The following FN1 variants were observed in gnomAD, a reference collection of about 807,000 sequenced individuals.
FN1 encodes fibronectin 1, also known as fibronectin.
In FN1, 106 loss-of-function variants were observed where a neutral mutation model predicts 297.3. The observed-to-expected ratio is 0.36, with a 90% CI of 0.30 to 0.42. The LOEUF is 0.42. Among genes scored for constraint, FN1 ranks in the 10% least tolerant of loss-of-function variants. FN1 has a pLI of 1.00. For missense variants in FN1, 2,690 were observed against 3,124.9 expected (o/e 0.86, Z 3.32); for synonymous variants, 1,149 against 1,152.6 (o/e 1.00, Z 0.06).
intron 13 of FN1, among the ~76,000 whole-genome samples, chr2:215,413,656 A>G (rs1013913951): frequency 6.6e-6 from 1 of 152,146 alleles, no homozygotes; most frequent in Non-Finnish European, 1.5e-5. Flanking sequence ...CACCTCTATC[A>G]GGGGTCTGAT....
In FN1 at chr2:215,364,961, CCAT is replaced by C. The variant is rs1278884339; in HGVS notation, c.7166_7168del (p.Asp2389del). 6 of 1,580,122 alleles carry C rather than the reference CCAT, an allele frequency of 3.8e-6. No individual in the cohort carries two copies. The highest frequency in any genetic ancestry group is 1.3e-5 in the African/African-American group (1 of 74,586). On this transcript the variant is annotated inframe_deletion, in exon 44 of 46. Coordinates refer to ENST00000354785, the MANE Select transcript of FN1 (RefSeq NM_212482.4). ...CTGTTCTCCTACGTGGTATGTCTTC[CCAT>C]CATCATAACACGTTGCCTCATCTGC...
At chr2:215,416,673 G>T (rs2063475691) in intron 12 of FN1, among the ~76,000 whole-genome samples, 1 of 152,092 alleles carries the variant, frequency 6.6e-6, no homozygotes, top group Admixed American at 6.6e-5. Context: ...ATTTTGAGGG[G>T]GGACAAGCTT....
Position 215,419,419 on chromosome 2 carries a change from T to C in FN1, c.1676-34A>G, listed in dbSNP as rs2063891972. On this transcript the variant is annotated intron_variant, in intron 11 of 45. Transcript: ENST00000354785. ...CATGGAAGGAAAAGATAAACAGCCTTGAAGACTTATAACTACGAATTTAAT... is the reference window on the plus strand; with the variant it reads ...CATGGAAGGAAAAGATAAACAGCCTCGAAGACTTATAACTACGAATTTAAT... 7 of 1,583,944 alleles carry C rather than the reference T, an allele frequency of 4.4e-6. No homozygotes were observed. The East Asian group carries it at 1.3e-4, about 30-fold the overall frequency.
In FN1 at chr2:215,361,633, A is replaced by C; in HGVS notation, c.7363-7T>G. 2 of 1,608,578 alleles carry C rather than the reference A, an allele frequency of 1.2e-6. No individual in the cohort carries two copies. The highest frequency in any genetic ancestry group is 1.7e-6 in the Non-Finnish European group (2 of 1,174,894). On this transcript the variant is annotated splice_polypyrimidine_tract_variant and splice_region_variant and intron_variant, in intron 45 of 45. Transcript: ENST00000354785. Reference sequence around the variant, plus strand: ...CAATTGGGCAATTAACATTCTGTTAAAAAGGAAGAAGGAAAAAAAAATTAG... The same window carrying C: ...CAATTGGGCAATTAACATTCTGTTACAAAGGAAGAAGGAAAAAAAAATTAG...
chr2:215,383,268 AAAGT>A, intron 31 of FN1, 56 bp downstream of exon 31: 1 of 1,568,496 alleles, frequency 6.4e-7, no homozygotes, highest in South Asian at 1.1e-5. Context: ...TCAGCCTCCC[AAAGT>A]TCTGGGATTA....
rs775421803 is a variant in FN1 at position 215,376,650 on chromosome 2, C to T, written c.5735G>A (p.Arg1912His). Residue 1912 changes from arginine to histidine, a missense_variant, in exon 36 of 46, where the codon CGT (arginine) becomes CAT (histidine). This residue lies in a region of FN1 where 1,743 missense variants were observed against 1,945.2 expected (regional missense o/e 0.90). Coordinates refer to ENST00000354785, the MANE Select transcript of FN1 (RefSeq NM_212482.4). ...GGTGGTCTCAGTAGCATCTGTCACA[C>T]GAGCCCTTCTTGGTGGGCTGACATC... ...LENVSPPRRA[R>H]VTDATETTIT... The T allele has an allele frequency of 4.7e-5, 76 of 1,613,850 alleles. No homozygotes were observed. Among genetic ancestry groups the T allele is most frequent in the East Asian group, 2.0e-4 (9 of 44,878 alleles).
In FN1 at chr2:215,393,078, C is replaced by A; in HGVS notation, c.3922G>T (p.Gly1308Cys). ...YRITVVAAGE[G>C]IPIFEDFVDS... ...ACAAAATCTTCAAAAATAGGGATAC[C>A]TTCTCCTGCCGCAACTACTGTGATG... The change falls in exon 25 of 46, where the codon GGT becomes TGT. Residue 1308 changes from glycine (G) to cysteine (C), a missense_variant. Physicochemically the swap from Gly to Cys is radical, Grantham distance 159 (BLOSUM62 -3). Transcript: ENST00000354785. 6.2e-7 allele frequency: 1 copy of A among 1,613,972 alleles called. No homozygotes were observed. The highest frequency in any genetic ancestry group is 8.5e-7 in the Non-Finnish European group (1 of 1,180,008).
At chr2:215,399,462 T>A in intron 20 of FN1, 111 bp from the exon 21 acceptor site, 2 of 751,762 alleles carry the variant, frequency 2.7e-6, no homozygotes, top group South Asian at 2.9e-5. Context: ...AAGCAGTGGA[T>A]AGAGGATGTA....
intron 22 of FN1, 46 bp downstream of exon 22, chr2:215,397,634 A>G: frequency 6.4e-7 from 1 of 1,558,192 alleles, no homozygotes; most frequent in Non-Finnish European, 8.9e-7. Context: ...TTCGAAAAGT[A>G]GAACAGTTTT....
intron 25 of FN1, 108 bp downstream of exon 25, chr2:215,392,823 T>C: frequency 7.9e-7 from 1 of 1,258,580 alleles, no homozygotes; most frequent in Non-Finnish European, 1.2e-6. Flanking sequence ...ATCTGAATCT[T>C]TGGCCAATTG....
At position 215,384,426 on chromosome 2, in the gene FN1, C is replaced by A. The variant is rs1211833810; in HGVS notation, c.4730-242G>T. ...TTAACATTTCAGCTTTAAAATGTCA[C>A]TGAGTAGTAGAGTAGCATTAGAAGT... On this transcript the variant is annotated intron_variant, in intron 29 of 45. Transcript: ENST00000354785. 5.5e-6 allele frequency: 3 copies of A among 541,730 alleles called. No homozygotes were observed. In the Admixed American group the frequency reaches 9.1e-5, roughly 17 times the overall value. The allele number at this position is 541,730 out of a possible 1,614,324, so 33.6% of individuals were successfully genotyped here.
intron 31 of FN1, 50 bp downstream of exon 31, chr2:215,383,278 G>T (rs2058456940): frequency 1.3e-6 from 2 of 1,595,044 alleles, no homozygotes; most frequent in Non-Finnish European, 1.7e-6. Flanking sequence ...AAAGTTCTGG[G>T]ATTATAGGAG....
chr2:215,364,322 C>T (rs2054105083), intron 44 of FN1: 2 of 32,956 alleles, frequency 6.1e-5, no homozygotes, highest in South Asian at 6.5e-4. Context: ...AAATATTTAA[C>T]AACGTTGCCA....
Position 215,388,246 on chromosome 2 carries a change from ATGT to A in FN1, c.4305_4307del (p.Gln1435del). The A allele has an allele frequency of 1.2e-6, 2 of 1,614,076 alleles. No homozygotes were observed. Among genetic ancestry groups the A allele is most frequent in the Non-Finnish European group, 1.7e-6 (2 of 1,179,930 alleles). On this transcript the variant is annotated inframe_deletion, in exon 27 of 46. Transcript: ENST00000354785. ...GTCTTCCTCTAAGAGGTGTGCTCTC[ATGT>A]TGTTCGTAGACACTGGAGACACTCA...
intron 40 of FN1, 144 bp downstream of exon 40, chr2:215,371,765 G>A (rs987510655): frequency 4.4e-5 from 31 of 706,154 alleles, no homozygotes; most frequent in South Asian, 1.8e-4. Context: ...CACCTGCCTC[G>A]GCCTCCCAAA....
At chr2:215,370,540 CAAAAAACAAAAAACAA>C (rs1013141032) in intron 40 of FN1, 108 bp from the exon 41 acceptor site, 7 of 304,966 alleles carry the variant, frequency 2.3e-5, no homozygotes, top group African/African-American at 7.3e-5. Context: ...CAAAGGAAGA[CAAAAAACAAAAAACAA>C]AAAAAAAAAA....
rs114812327 is a variant in FN1 at position 215,365,218 on chromosome 2, T to G, written c.7145-233A>C. Among the ~76,000 whole-genome samples the G allele has an allele frequency of 5.0e-3, 765 of 152,300 alleles. 11 individuals are homozygous for G. The highest frequency in any genetic ancestry group is 5.5e-3 in the Non-Finnish European group (374 of 68,028). On this transcript the variant is annotated intron_variant, in intron 43 of 45. Transcript: ENST00000354785. ...CAACGGGAAGATGGAAATCATATTTTAAAAGTTGAATCTACAGACCAATAA... is the reference window on the plus strand; with the variant it reads ...CAACGGGAAGATGGAAATCATATTTGAAAAGTTGAATCTACAGACCAATAA...
chr2:215,390,818 T>C (rs2059629163), intron 26 of FN1, among the ~76,000 whole-genome samples: 1 of 152,262 alleles, frequency 6.6e-6, no homozygotes, highest in African/African-American at 2.4e-5. Context: ...ATCTAAATTA[T>C]GTTTGAAAGG....
intron 40 of FN1, among the ~76,000 whole-genome samples, chr2:215,370,828 C>G (rs1054521882): frequency 6.6e-6 from 1 of 152,194 alleles, no homozygotes; most frequent in African/African-American, 2.4e-5. Flanking sequence ...CATGCTCCTC[C>G]AGGTGACATC....
Sources: gnomAD v4.1 joint callset for allele counts (sites outside exome capture counted in the v4.1 genomes callset) on GRCh38, gnomAD v4.1.1 for gene constraint, gnomAD v4.1.1 regional missense constraint, MANE v1.5 for transcripts, NCBI Gene and HGNC (gene_info 2026-07-23, HGNC 2026-07-21) for gene names.